STK31: variants seen among roughly 807,000 people sequenced by gnomAD.
STK31 encodes the protein serine/threonine-protein kinase 31.
STK31 carries 89 observed loss-of-function variants against 129.7 expected under a neutral mutation model. The observed-to-expected ratio is 0.69, with a 90% confidence interval of 0.58 to 0.82. The LOEUF is 0.82. Among genes scored for constraint, STK31 ranks in the 40% least tolerant of loss-of-function variants. The pLI, the probability that STK31 is intolerant of heterozygous loss-of-function variation, is 0.00. For synonymous variants in STK31, 448 were observed against 395.3 expected, an observed-to-expected ratio of 1.13 and a Z score of -1.58; for missense variants, 1,187 against 1,176.4, an observed-to-expected ratio of 1.01 and a Z score of -0.13.
At chr7:23,808,734 G>A (rs534805013) in intron 22 of STK31, among the ~76,000 whole-genome samples, 4 of 152,230 alleles carry the variant, frequency 2.6e-5, no homozygotes, top group African/African-American at 9.6e-5. Context: ...GGAAGCAAAG[G>A]GATGACTTCC....
rs1794604023 is a variant in STK31 at position 23,832,315 on chromosome 7, G to A, written c.3009G>A (p.Leu1003=). Residue 1003 remains leucine, a synonymous_variant, in exon 24 of 24, where the codon TTG becomes TTA. Transcript: ENST00000355870. ...KKEEEIKTEN[L]DKCMEKTRNG... ...AAGAAGAAATAAAGACGGAGAACTT[G>A]GATAAATGTATGGAGAAGACAAGAA... is the stretch of plus-strand genomic sequence containing the variant. The A allele has an allele frequency of 6.2e-7, 1 of 1,613,746 alleles. No homozygotes were observed. Among genetic ancestry groups the A allele is most frequent in the Non-Finnish European group, 8.5e-7 (1 of 1,179,944 alleles).
At chr7:23,712,180 GC>G (rs775735768) in intron 2 of STK31, 35 bp downstream of exon 2, 1 of 1,613,752 alleles carries the variant, frequency 6.2e-7, no homozygotes, top group East Asian at 2.2e-5. Context: ...GGGTGTAAGA[GC>G]TAGATGATAC....
chr7:23,767,337 T>A (rs1789893903), intron 11 of STK31, among the ~76,000 whole-genome samples: 1 of 152,182 alleles, frequency 6.6e-6, no homozygotes, highest in Non-Finnish European at 1.5e-5. Flanking sequence ...GTTGTGTAGT[T>A]ATATGAAGGG....
intron 23 of STK31, among the ~76,000 whole-genome samples, chr7:23,816,137 A>G (rs1410514247): frequency 6.6e-6 from 1 of 152,172 alleles, no homozygotes; most frequent in Non-Finnish European, 1.5e-5. Context: ...GGTAGCAGTA[A>G]AAAGCATTTC....
intron 20 of STK31, 70 bp downstream of exon 20, chr7:23,786,994 G>GC: frequency 6.9e-7 from 1 of 1,441,800 alleles, no homozygotes. Context: ...ATTTATTCAG[G>GC]CATACTACAT....
chr7:23,832,180 A>G lies in STK31; in HGVS notation c.2874A>G (p.Arg958=). The part of the protein sequence containing the change: ...KSLLCSLICY[R]SSMTAEQVLN... Reference sequence around the variant, plus strand: ...TCCTCTGTAGCTTGATATGTTATAGAAGTTCAATGACTGCTGAACAAGTTT... The same window carrying G: ...TCCTCTGTAGCTTGATATGTTATAGGAGTTCAATGACTGCTGAACAAGTTT... Residue 958 remains arginine, a synonymous_variant, in exon 24 of 24, where the codon AGA becomes AGG. Coordinates refer to ENST00000355870, the MANE Select transcript of STK31 (RefSeq NM_031414.5). 3 of 1,614,160 alleles carry G rather than the reference A, an allele frequency of 1.9e-6. 1 individual carries two copies.
intron 8 of STK31, among the ~76,000 whole-genome samples, chr7:23,747,909 T>C (rs1310560085): frequency 6.6e-6 from 1 of 152,204 alleles, no homozygotes; most frequent in African/African-American, 2.4e-5. Context: ...CTTTTCAAAG[T>C]ATCAACTTTT....
At chr7:23,810,856 A>AAATATATATTATATATAAATATGTAT (rs1235682265) in intron 22 of STK31, among the ~76,000 whole-genome samples, 1 of 141,642 alleles carries the variant, frequency 7.1e-6, no homozygotes, top group Non-Finnish European at 1.5e-5. Context: ...AAATATGTAT[A>AAATATATATTATATATAAATATGTAT]AATATATATT....
chr7:23,758,192 G>A (rs1789223997), intron 10 of STK31, among the ~76,000 whole-genome samples: 1 of 152,184 alleles, frequency 6.6e-6, no homozygotes, highest in South Asian at 2.1e-4. Context: ...ACCTGGTTTA[G>A]TCTTGGTAGG....
At chr7:23,712,351 CA>C (rs1786027764) in intron 3 of STK31, 65 bp downstream of exon 3, 1 of 1,470,628 alleles carries the variant, frequency 6.8e-7, no homozygotes, top group African/African-American at 1.4e-5. Flanking sequence ...CCAACAAAAA[CA>C]AAAATAAAAC....
chr7:23,730,879 T>TA (rs1491380351), intron 6 of STK31, among the ~76,000 whole-genome samples: 8,025 of 37,086 alleles, frequency 0.22, 274 homozygotes, highest in East Asian at 0.34. Context: ...TATATATATA[T>TA]TTTTTTTTTT....
At chr7:23,763,056 T>G in intron 11 of STK31, 133 bp downstream of exon 11, 1 of 744,914 alleles carries the variant, frequency 1.3e-6, no homozygotes, top group Non-Finnish European at 2.0e-6. Context: ...GAATTCTGAT[T>G]TCTTTTTAAT....
At chr7:23,765,763 T>C (rs1481478812) in intron 11 of STK31, among the ~76,000 whole-genome samples, 1 of 152,154 alleles carries the variant, frequency 6.6e-6, no homozygotes, top group East Asian at 1.9e-4. Flanking sequence ...GCCAGGCTAG[T>C]CTTGAACTCC....
At position 23,710,324 on chromosome 7, in the gene STK31, G is replaced by C; in HGVS notation, c.39G>C (p.Thr13=). ...GTCACTCTTCTAGAGCTTCCGCAAC[G>C]GAAAGTGTGAGGTCAGTAGTAGTTT... ...VQGHSSRASA[T]ESVSFSGIVQ... is the part of the protein sequence containing the mutation. The change falls in exon 1 of 24, where the codon ACG becomes ACC. Residue 13 remains threonine, a synonymous_variant. Transcript: ENST00000355870. 2 of 1,613,456 alleles carry C rather than the reference G, an allele frequency of 1.2e-6. No homozygotes were observed. The highest frequency in any genetic ancestry group is 1.7e-6 in the Non-Finnish European group (2 of 1,179,950).
chr7:23,770,537 C>T (rs1334757360), intron 13 of STK31, among the ~76,000 whole-genome samples: 1 of 151,924 alleles, frequency 6.6e-6, no homozygotes, highest in Admixed American at 6.6e-5. Flanking sequence ...TATTAGTATC[C>T]CTGATTTCCA....
In STK31 at chr7:23,832,177, T is replaced by C. The variant is rs751599974; in HGVS notation, c.2871T>C (p.Tyr957=). ...VKSLLCSLIC[Y]RSSMTAEQVL... Reference sequence around the variant, plus strand: ...CCCTCCTCTGTAGCTTGATATGTTATAGAAGTTCAATGACTGCTGAACAAG... The same window carrying C: ...CCCTCCTCTGTAGCTTGATATGTTACAGAAGTTCAATGACTGCTGAACAAG... The change falls in exon 24 of 24, where the codon TAT becomes TAC. Residue 957 remains tyrosine (Y), a synonymous_variant. Transcript: ENST00000355870. 3.1e-6 allele frequency: 5 copies of C among 1,614,162 alleles called. No individual in the cohort carries two copies. The South Asian group carries it at 5.5e-5, about 18-fold the overall frequency.
chr7:23,733,527 A>T (rs1398248260), intron 6 of STK31, among the ~76,000 whole-genome samples: 1 of 151,536 alleles, frequency 6.6e-6, no homozygotes, highest in African/African-American at 2.4e-5. Flanking sequence ...TAAATGTGTC[A>T]GCTGGGTGCG....
chr7:23,731,978 G>A (rs1353285974), intron 6 of STK31, among the ~76,000 whole-genome samples: 1 of 152,128 alleles, frequency 6.6e-6, no homozygotes, highest in Non-Finnish European at 1.5e-5. Flanking sequence ...ATGATTGAAA[G>A]CCTTATGTTC....
In STK31 at chr7:23,710,304, T is replaced by G. The variant is rs748107247; in HGVS notation, c.19T>G (p.Ser7Ala). MWVQGH[S>A]SRASATESVS... The stretch of plus-strand genomic sequence containing the variant: ...GTCCAGTATGTGGGTCCAGGGTCAC[T>G]CTTCTAGAGCTTCCGCAACGGAAAG... Residue 7 changes from serine (S) to alanine (A), a missense_variant, in exon 1 of 24, where the codon TCT becomes GCT. Ser to Ala is a moderately conservative substitution (Grantham distance 99). Coordinates refer to ENST00000355870, the MANE Select transcript of STK31 (RefSeq NM_031414.5). 10 of 1,612,994 alleles carry G rather than the reference T, an allele frequency of 6.2e-6. No individual in the cohort carries two copies. Among genetic ancestry groups the G allele is most frequent in the Non-Finnish European group, 8.5e-6 (10 of 1,179,922 alleles).
Sources: allele counts gnomAD v4.1 joint callset (sites outside exome capture counted in the v4.1 genomes callset), GRCh38; gene constraint gnomAD v4.1.1; transcripts MANE v1.5; gene names NCBI Gene and HGNC (gene_info 2026-07-23, HGNC 2026-07-21).